Variants in KIAA0825 observed in about 807,000 individuals in gnomAD.
The protein encoded by KIAA0825 is KIAA0825, also known as uncharacterized protein KIAA0825.
In KIAA0825, 119 loss-of-function variants were observed where a neutral mutation model predicts 147.6. That is an observed-to-expected ratio of 0.81 (90% CI 0.69 to 0.94). The LOEUF is 0.94. Ranked by LOEUF, KIAA0825 falls within the 40% of genes least tolerant of loss-of-function variation. The pLI, the probability that KIAA0825 is intolerant of heterozygous loss-of-function variation, is 0.00. For missense variants in KIAA0825, 1,381 were observed against 1,472.7 expected, an observed-to-expected ratio of 0.94 and a Z score of 1.02; for synonymous variants, 470 against 518.1, an observed-to-expected ratio of 0.91 and a Z score of 1.26.
intron 20 of KIAA0825, among the ~76,000 whole-genome samples, chr5:94,259,808 A>G (rs1776410049): frequency 6.6e-6 from 1 of 151,864 alleles, no homozygotes; most frequent in East Asian, 1.9e-4. Context: ...TATCATATAA[A>G]TATATTACTA....
chr5:94,184,315 T>C (rs1035747926), intron 20 of KIAA0825, among the ~76,000 whole-genome samples: 1 of 152,204 alleles, frequency 6.6e-6, no homozygotes, highest in Non-Finnish European at 1.5e-5. Context: ...GAAACAACTA[T>C]TCAGTGTAAA....
chr5:94,323,128 G>A (rs1399200480), intron 20 of KIAA0825, among the ~76,000 whole-genome samples: 1 of 151,856 alleles, frequency 6.6e-6, no homozygotes, highest in Non-Finnish European at 1.5e-5. Flanking sequence ...TATAATATAT[G>A]AGTCTAAATA....
At chr5:94,231,472 T>TA (rs953778422) in intron 20 of KIAA0825, among the ~76,000 whole-genome samples, 2 of 152,080 alleles carry the variant, frequency 1.3e-5, no homozygotes, top group African/African-American at 4.8e-5. Context: ...ATCAAACAGT[T>TA]AAAAAAACAC....
rs1020099422 is a variant in KIAA0825 at position 94,534,248 on chromosome 5, G to A, written c.131+2748C>T. Among the ~76,000 whole-genome samples, 4 of 152,028 alleles carry A rather than the reference G, an allele frequency of 2.6e-5. 1 individual carries two copies. The highest frequency in any genetic ancestry group is 2.1e-4 in the South Asian group (1 of 4,820). Reference sequence around the variant, plus strand: ...AGTGTAAGTGTGGCATAACTGATTCGTCATGACATACAATTTTCTAAAAGC... The same window carrying A: ...AGTGTAAGTGTGGCATAACTGATTCATCATGACATACAATTTTCTAAAAGC... On this transcript the variant is annotated intron_variant, in intron 3 of 20. Transcript: ENST00000682413.
intron 3 of KIAA0825, among the ~76,000 whole-genome samples, chr5:94,535,554 A>T (rs1231118208): frequency 6.7e-6 from 1 of 148,860 alleles, no homozygotes; most frequent in Non-Finnish European, 1.5e-5. Flanking sequence ...ATCTTTTGCC[A>T]TGTATCTATT....
At chr5:94,550,316 C>T (rs1352116317) in intron 2 of KIAA0825, among the ~76,000 whole-genome samples, 2 of 152,164 alleles carry the variant, frequency 1.3e-5, no homozygotes, top group African/African-American at 2.4e-5. Context: ...AACTACTGCA[C>T]ACCTTCATCC....
At chr5:94,526,840 C>T (rs1769383593) in intron 3 of KIAA0825, among the ~76,000 whole-genome samples, 1 of 151,930 alleles carries the variant, frequency 6.6e-6, no homozygotes, top group South Asian at 2.1e-4. Context: ...AGAGATAAAC[C>T]TGTAAATAAA....
intron 20 of KIAA0825, among the ~76,000 whole-genome samples, chr5:94,265,456 A>G (rs960967355): frequency 2.6e-5 from 4 of 152,160 alleles, no homozygotes; most frequent in Non-Finnish European, 5.9e-5. Context: ...CAGTGGGATC[A>G]CTCTACTAGT....
In KIAA0825 at chr5:94,585,512, C is replaced by T. The variant is rs902922337; in HGVS notation, c.-152-2929G>A. 3.3e-5 allele frequency among the ~76,000 whole-genome samples: 5 copies of T among 152,260 alleles called. No individual in the cohort carries two copies. In the South Asian group the frequency reaches 8.3e-4, roughly 25 times the overall value. ...TAACTATCCTAAACATATATGCACC[C>T]AATACAGGGGCACCCAGATTCATAA... is the stretch of plus-strand genomic sequence containing the variant. On this transcript the variant is annotated intron_variant, in intron 1 of 20. Transcript: ENST00000682413.
At chr5:94,478,470 C>G (rs979385095) in intron 6 of KIAA0825, among the ~76,000 whole-genome samples, 4 of 151,752 alleles carry the variant, frequency 2.6e-5, no homozygotes, top group Admixed American at 2.0e-4. Context: ...CACACACACA[C>G]ACACACACAC....
intron 14 of KIAA0825, among the ~76,000 whole-genome samples, chr5:94,435,019 T>C (rs1174034317): frequency 3.3e-5 from 5 of 152,174 alleles, no homozygotes; most frequent in Admixed American, 6.5e-5. Context: ...TTTTAAAAAA[T>C]GTAATAAATA....
intron 20 of KIAA0825, among the ~76,000 whole-genome samples, chr5:94,213,413 C>T (rs1018208339): frequency 2.6e-5 from 4 of 152,114 alleles, no homozygotes; most frequent in African/African-American, 4.8e-5. Context: ...GTATTGCAGT[C>T]TCCTATTCCA....
At chr5:94,285,592 A>G (rs541838352) in intron 20 of KIAA0825, among the ~76,000 whole-genome samples, 126 of 152,296 alleles carry the variant, frequency 8.3e-4, no homozygotes, top group African/African-American at 2.9e-3. Flanking sequence ...CAAAGATAAT[A>G]TGGTTTTAGG....
intron 2 of KIAA0825, among the ~76,000 whole-genome samples, chr5:94,566,777 G>A (rs1467326453): frequency 6.6e-6 from 1 of 151,828 alleles, no homozygotes; most frequent in Non-Finnish European, 1.5e-5. Context: ...TAAGCTACTT[G>A]GTAAATTTAT....
At chr5:94,424,414 T>C (rs1037028871) in intron 14 of KIAA0825, among the ~76,000 whole-genome samples, 5 of 152,078 alleles carry the variant, frequency 3.3e-5, no homozygotes, top group African/African-American at 9.7e-5. Flanking sequence ...AACATCGTCC[T>C]GAATGACCAC....
chr5:94,609,118 A>G (rs753202228), intron 1 of KIAA0825, among the ~76,000 whole-genome samples: 22 of 152,338 alleles, frequency 1.4e-4, no homozygotes, highest in Non-Finnish European at 2.8e-4. Context: ...TTTGGTGATC[A>G]AAGAAGAATA....
rs189127578 is a variant in KIAA0825 at position 94,554,967 on chromosome 5, A to C, written c.-1-17840T>G. ...TATATAGACTTCAACTTTTACAAAA[A>C]ATTAATATTTTACCTCTTATATATG... On this transcript the variant is annotated intron_variant, in intron 2 of 20. Transcript: ENST00000682413. Among the ~76,000 whole-genome samples the C allele has an allele frequency of 2.0e-3, 310 of 151,676 alleles. 2 individuals carry two copies. The highest frequency in any genetic ancestry group is 7.3e-3 in the African/African-American group (302 of 41,430).
intron 15 of KIAA0825, among the ~76,000 whole-genome samples, chr5:94,407,548 A>G (rs1178792764): frequency 6.6e-6 from 1 of 152,248 alleles, no homozygotes; most frequent in Admixed American, 6.5e-5. Flanking sequence ...TACAACATGG[A>G]TTAACCTTGA....
In KIAA0825 at chr5:94,456,709, T is replaced by C. The variant is rs73145020; in HGVS notation, c.2247-3640A>G. ...TCAGTATGAAGATTAAGTGTAATAA[T>C]GTATTTAAAGGATTTAGCAAAGTGC... On this transcript the variant is annotated intron_variant, in intron 12 of 20. Coordinates refer to ENST00000682413, the MANE Select transcript of KIAA0825 (RefSeq NM_001145678.3). Among the ~76,000 whole-genome samples the C allele has an allele frequency of 8.9e-3, 1,351 of 152,308 alleles. 18 individuals carry two copies. Among genetic ancestry groups the C allele is most frequent in the African/African-American group, 0.031 (1,293 of 41,564 alleles).
Sources: allele counts gnomAD v4.1 joint callset (sites outside exome capture counted in the v4.1 genomes callset), GRCh38; gene constraint gnomAD v4.1.1; transcripts MANE v1.5; gene names NCBI Gene and HGNC (gene_info 2026-07-23, HGNC 2026-07-21).